Variants in C4orf50 observed in about 807,000 individuals in gnomAD.
C4orf50 encodes the protein uncharacterized protein C4orf50.
Under a neutral mutation model 77.2 loss-of-function variants are expected in C4orf50, and 80 were observed. The ratio of observed to expected loss-of-function variants is 1.04; its 90% CI spans 0.87 to 1.25. The LOEUF is 1.25. C4orf50 is among the 50% of genes most tolerant of loss of function. C4orf50 has a pLI of 0.00. For synonymous variants in C4orf50, 532 were observed against 465.3 expected (o/e 1.14, Z -1.84); for missense variants, 1,257 against 1,152.9 (o/e 1.09, Z -1.31).
chr4:5,957,558 G>A (rs1224136393), exon 34 of C4orf50: 1 of 152,150 alleles, frequency 6.6e-6, no homozygotes, highest in Non-Finnish European at 1.5e-5. Context: ...TTCTTGAGGG[G>A]TGGTAACGGG....
chr4:5,944,502 A>G (rs79123165), intron 7 of C4orf50, among the ~76,000 whole-genome samples: 4,888 of 152,280 alleles, frequency 0.032, 153 homozygotes, highest in African/African-American at 0.077. Context: ...CAGCCCTCAG[A>G]GAGAAAACAT....
At chr4:5,937,635 G>A (rs1263115228) in intron 7 of C4orf50, among the ~76,000 whole-genome samples, 1 of 152,078 alleles carries the variant, frequency 6.6e-6, no homozygotes, top group Non-Finnish European at 1.5e-5. Context: ...AAAAGACAAG[G>A]ATTGTTGTAA....
At chr4:5,928,367 CACACACACACAT>C (rs1410173403) in intron 7 of C4orf50, among the ~76,000 whole-genome samples, 53 of 149,556 alleles carry the variant, frequency 3.5e-4, no homozygotes, top group African/African-American at 1.3e-3. Context: ...CACACATACA[CACACACACACAT>C]ACACACACAC....
chr4:5,933,518 C>T (rs747788894), intron 7 of C4orf50, among the ~76,000 whole-genome samples: 9 of 152,226 alleles, frequency 5.9e-5, no homozygotes, highest in Admixed American at 5.2e-4. Context: ...CCAGACTCCA[C>T]GCCAGTTACC....
chr4:5,976,106 C>T, intron 29 of C4orf50, 151 bp from the exon 8 acceptor site: 1 of 650,562 alleles, frequency 1.5e-6, no homozygotes, highest in South Asian at 1.8e-5. Flanking sequence ...GCCTTTCCCA[C>T]CACCTGCCTG....
intron 31 of C4orf50, 24 bp from the exon 10 acceptor site, chr4:5,967,486 G>C (rs1560570286): frequency 1.2e-6 from 2 of 1,610,990 alleles, no homozygotes; most frequent in Non-Finnish European, 1.7e-6. Context: ...CATCTTGGCG[G>C]TTATTCTGCA....
exon 28 of C4orf50, chr4:5,990,485 C>A (rs897247852): frequency 5.0e-6 from 2 of 399,498 alleles, no homozygotes; most frequent in Non-Finnish European, 8.8e-6. Flanking sequence ...AGGGAGGCAC[C>A]GCGGCCTCTT....
intron 25 of C4orf50, among the ~76,000 whole-genome samples, chr4:6,002,830 G>A (rs767407497): frequency 2.0e-5 from 3 of 152,212 alleles, no homozygotes; most frequent in Non-Finnish European, 2.9e-5. Context: ...GAATTACATC[G>A]GGGCCTCACT....
At position 5,980,339 on chromosome 4, in the gene C4orf50, C is replaced by G; in HGVS notation, c.3700-1G>C. 6.2e-7 allele frequency: 1 copy of G among 1,608,812 alleles called. No homozygotes were observed. The highest frequency in any genetic ancestry group is 8.5e-7 in the Non-Finnish European group (1 of 1,178,006). ...TAACCTCGGCCTCTGAGTCCCGGAG[C>G]TGCGGAAATCACAGATTTGAATGAA... On this transcript the variant is annotated splice_acceptor_variant, in intron 28 of 33. Transcript: ENST00000531445. LOFTEE classifies it high-confidence loss of function.
chr4:5,976,591 A>G (rs1009926894), intron 29 of C4orf50, among the ~76,000 whole-genome samples: 5 of 152,000 alleles, frequency 3.3e-5, no homozygotes, highest in African/African-American at 1.2e-4. Context: ...CAAGTTCCTG[A>G]GCCAGACAGC....
chr4:5,934,205 C>G (rs577967703), intron 7 of C4orf50, among the ~76,000 whole-genome samples: 1 of 151,994 alleles, frequency 6.6e-6, no homozygotes, highest in Non-Finnish European at 1.5e-5. Context: ...CATGGTAAGG[C>G]GAGGTGGACA....
rs866222278 is a variant in C4orf50, at chr4:6,015,262, G to A, written c.287+2883C>T. On this transcript the variant is annotated intron_variant, in intron 23 of 33. Coordinates refer to ENST00000531445, the Ensembl canonical transcript of C4orf50. This position sits in a 1 kb window ranked among gnomAD's most constrained non-coding sequence, Gnocchi z 4.4. ...GGCAATTAAGTTGAAAGAAAGTCAT[G>A]AGCGTGGGCCCAGATCCAATCCGAC... 1.7e-4 allele frequency among the ~76,000 whole-genome samples: 26 copies of A among 152,246 alleles called. No homozygotes were observed. Among genetic ancestry groups the A allele is most frequent in the Middle Eastern group, 3.4e-3 (1 of 294 alleles).
chr4:5,974,363 G>T (rs190974256), intron 30 of C4orf50, among the ~76,000 whole-genome samples: 2 of 152,278 alleles, frequency 1.3e-5, no homozygotes, highest in Non-Finnish European at 2.9e-5. Context: ...TCACACTGCC[G>T]GAGCCTCACC....
At chr4:5,964,917 G>T in intron 33 of C4orf50, 107 bp downstream of exon 11, 1 of 1,015,888 alleles carries the variant, frequency 9.8e-7, no homozygotes, top group Non-Finnish European at 1.4e-6. Context: ...TGACCTGGTG[G>T]TGGCTTTCTG....
intron 33 of C4orf50, among the ~76,000 whole-genome samples, chr4:5,963,477 C>T (rs1006577664): frequency 1.3e-5 from 2 of 151,392 alleles, no homozygotes; most frequent in African/African-American, 4.9e-5. Context: ...TTTTTAATAC[C>T]TCCTCTATTT....
Position 6,000,173 on chromosome 4 carries a change from T to C in C4orf50, c.964-5697A>G, listed in dbSNP as rs549564285. The stretch of plus-strand genomic sequence containing the variant: ...TGGGTCACTCCCAGTCCTTTGAAGA[T>C]GCACTGGCAGCCTTGGGCAGTCACA... On this transcript the variant is annotated intron_variant, in intron 25 of 33. Coordinates refer to ENST00000531445, the Ensembl canonical transcript of C4orf50. This position sits in a 1 kb window ranked among gnomAD's most constrained non-coding sequence, Gnocchi z 6.0. 6.6e-6 allele frequency among the ~76,000 whole-genome samples: 1 copy of C among 152,212 alleles called. No individual in the cohort carries two copies. The highest frequency in any genetic ancestry group is 2.1e-4 in the South Asian group (1 of 4,812).
intron 7 of C4orf50, among the ~76,000 whole-genome samples, chr4:5,928,684 C>T (rs1717631076): frequency 6.6e-6 from 1 of 152,230 alleles, no homozygotes; most frequent in African/African-American, 2.4e-5. Context: ...GGCACCTTCT[C>T]CTGTCACTTC....
At chr4:5,947,308 A>G (rs1282915293) in intron 7 of C4orf50, among the ~76,000 whole-genome samples, 1 of 152,070 alleles carries the variant, frequency 6.6e-6, no homozygotes, top group Non-Finnish European at 1.5e-5. Flanking sequence ...AGAGTTTTAT[A>G]TCAAGCCCCC....
At chr4:5,912,149 A>G (rs114270562) in intron 7 of C4orf50, among the ~76,000 whole-genome samples, 1 of 151,992 alleles carries the variant, frequency 6.6e-6, no homozygotes, top group African/African-American at 2.4e-5. Context: ...TGGTGTAAAC[A>G]CTCCTACTAT....
Sources: gnomAD v4.1 joint callset for allele counts (sites outside exome capture counted in the v4.1 genomes callset) on GRCh38, gnomAD v4.1.1 for gene constraint, Gnocchi (gnomAD v3.1) non-coding constraint, MANE v1.5 for transcripts, NCBI Gene and HGNC (gene_info 2026-07-23, HGNC 2026-07-21) for gene names.